GLB1: variants seen among roughly 807,000 people sequenced by gnomAD.
GLB1 encodes the protein galactosidase beta 1, also known as beta-galactosidase.
Under a neutral mutation model 74.0 loss-of-function variants are expected in GLB1, and 56 were observed. That is an observed-to-expected ratio of 0.76 (90% CI 0.61 to 0.94). GLB1 has a LOEUF of 0.94. Among genes scored for constraint, GLB1 ranks in the 40% least tolerant of loss-of-function variants. GLB1 has a pLI of 0.00. For missense variants in GLB1, 787 were observed against 845.5 expected, an observed-to-expected ratio of 0.93 and a Z score of 0.86; for synonymous variants, 323 against 323.6, an observed-to-expected ratio of 1.00 and a Z score of 0.02.
intron 1 of GLB1, among the ~76,000 whole-genome samples, chr3:33,087,738 G>A (rs545416103): frequency 3.3e-5 from 5 of 152,064 alleles, no homozygotes; most frequent in Admixed American, 2.0e-4. Context: ...TGAAGAGGAG[G>A]AACATTTCTA....
chr3:33,034,670 T>C (rs1271261497), intron 10 of GLB1: 54 of 732,198 alleles, frequency 7.4e-5, no homozygotes, highest in Non-Finnish European at 1.3e-4. Context: ...AGCCAACATA[T>C]TGGCCATCTC....
At chr3:32,976,639 C>CT in the GLB1 span, among the ~76,000 whole-genome samples, 24 of 152,332 alleles carry the variant, frequency 1.6e-4, no homozygotes, top group South Asian at 5.0e-3. Flanking sequence ...AACTCTTCTG[C>CT]TTCCTTTCTG....
intron 15 of GLB1, among the ~76,000 whole-genome samples, chr3:33,005,543 A>G (rs146996954): frequency 6.4e-4 from 97 of 152,244 alleles, no homozygotes; most frequent in African/African-American, 2.3e-3. Context: ...AAAGTTTTAC[A>G]TACTCTTTTC....
chr3:33,030,168 A>G (rs1190884600), intron 10 of GLB1: 1 of 152,320 alleles, frequency 6.6e-6, no homozygotes, highest in East Asian at 1.9e-4. Context: ...AATTGTATAT[A>G]GCTCCAACTT....
chr3:33,056,622 G>C (rs530344948), intron 6 of GLB1, among the ~76,000 whole-genome samples: 1 of 152,078 alleles, frequency 6.6e-6, no homozygotes, highest in East Asian at 1.9e-4. Context: ...ACAGAATGTT[G>C]TAAGAATAGT....
intron 6 of GLB1, 116 bp from the exon 7 acceptor site, chr3:33,053,665 T>TC: frequency 7.6e-7 from 1 of 1,324,352 alleles, no homozygotes; most frequent in Non-Finnish European, 1.0e-6. Context: ...AATGTTAGTA[T>TC]CCCCCCAAAA....
the GLB1 span, among the ~76,000 whole-genome samples, chr3:32,981,518 AACCCCAG>A: frequency 6.6e-6 from 1 of 151,998 alleles, no homozygotes; most frequent in Non-Finnish European, 1.5e-5. Flanking sequence ...TCACATCTGT[AACCCCAG>A]CACTTTGGGA....
At chr3:33,069,262 G>A (rs1196152085) in intron 2 of GLB1, among the ~76,000 whole-genome samples, 1 of 152,134 alleles carries the variant, frequency 6.6e-6, no homozygotes, top group Non-Finnish European at 1.5e-5. Flanking sequence ...GTGTATGCCT[G>A]TGGTCCCAGT....
chr3:33,065,631 T>C (rs773465206), intron 4 of GLB1, 74 bp from the exon 5 acceptor site: 3 of 1,505,064 alleles, frequency 2.0e-6, no homozygotes, highest in African/African-American at 1.4e-5. Context: ...CAGGATGGCT[T>C]TGAATGTGGC....
chr3:33,079,783 G>T (rs1700258957), intron 1 of GLB1, among the ~76,000 whole-genome samples: 6 of 152,126 alleles, frequency 3.9e-5, no homozygotes, highest in Admixed American at 3.9e-4. Context: ...AGAGGAGAGA[G>T]TTTTTTGTTT....
chr3:33,058,752 T>C (rs1016541779), intron 5 of GLB1, among the ~76,000 whole-genome samples: 2 of 152,160 alleles, frequency 1.3e-5, no homozygotes, highest in Non-Finnish European at 2.9e-5. Context: ...TACAGCAGTG[T>C]TTTCTTCCCT....
rs1240673584 is a variant in GLB1, at chr3:33,097,019, C to G, written c.67G>C (p.Gly23Arg). 1.2e-6 allele frequency: 2 copies of G among 1,612,232 alleles called. No individual in the cohort carries two copies. Among genetic ancestry groups the G allele is most frequent in the Non-Finnish European group, 8.5e-7 (1 of 1,178,962 alleles). The change falls in exon 1 of 16, where the codon GGC becomes CGC. Residue 23 changes from glycine to arginine, a missense_variant. Physicochemically the swap from Gly to Arg is moderately radical, Grantham distance 125. Transcript: ENST00000307363. ...GGGTCCCGCAGACTTACGCGCAAGC[C>G]GCGCGTAGGGCCCAGAAGCAGCAGA... Reference protein sequence around the residue: ...LVLLLLGPTRGLRNATQRMFE... With the variant: ...LVLLLLGPTRRLRNATQRMFE...
chr3:33,033,341 T>C (rs1191893863), intron 10 of GLB1, among the ~76,000 whole-genome samples: 1 of 152,148 alleles, frequency 6.6e-6, no homozygotes, highest in East Asian at 1.9e-4. Context: ...ATATTATCAG[T>C]AATAAAATGT....
chr3:33,067,012 T>TTC (rs1699712180), intron 4 of GLB1, among the ~76,000 whole-genome samples: 1 of 150,260 alleles, frequency 6.7e-6, no homozygotes. Flanking sequence ...CTTTTTTTTT[T>TTC]TTTTTTTGAG....
intron 15 of GLB1, among the ~76,000 whole-genome samples, chr3:33,009,852 G>A (rs1238109137): frequency 6.6e-6 from 1 of 152,146 alleles, no homozygotes; most frequent in East Asian, 1.9e-4. Flanking sequence ...CATATAAATG[G>A]AGTCATACAA....
chr3:33,005,035 G>T (rs1696729698), intron 15 of GLB1, among the ~76,000 whole-genome samples: 2 of 152,276 alleles, frequency 1.3e-5, no homozygotes, highest in East Asian at 3.9e-4. Context: ...GCAAAGAGAG[G>T]GAAGAAAACC....
rs114919941 is a variant in GLB1 at position 33,085,506 on chromosome 3, A to C, written c.75+11505T>G. On this transcript the variant is annotated intron_variant, in intron 1 of 15. Transcript: ENST00000307363. ...TTATGATTTTTTTTCTCTCTAAAAAAGTATTGCATTTCCTAGCAATACCCA... is the reference window on the plus strand; with the variant it reads ...TTATGATTTTTTTTCTCTCTAAAAACGTATTGCATTTCCTAGCAATACCCA... Among the ~76,000 whole-genome samples, 248 of 152,222 alleles carry C rather than the reference A, an allele frequency of 1.6e-3. 1 individual carries two copies. Among genetic ancestry groups the C allele is most frequent in the Middle Eastern group, 6.8e-3 (2 of 294 alleles).
chr3:32,969,594 C>A, the GLB1 span, among the ~76,000 whole-genome samples: 1 of 152,150 alleles, frequency 6.6e-6, no homozygotes, highest in Admixed American at 6.5e-5. Context: ...CCTGGAGATT[C>A]CCCTCCCGGA....
intron 12 of GLB1, among the ~76,000 whole-genome samples, chr3:33,021,037 A>T (rs1254905296): frequency 3.3e-5 from 5 of 151,792 alleles, no homozygotes; most frequent in Admixed American, 2.6e-4. Flanking sequence ...GAAAAACTTT[A>T]AAAAAATAAA....
Sources: gnomAD v4.1 joint callset for allele counts (sites outside exome capture counted in the v4.1 genomes callset) on GRCh38, gnomAD v4.1.1 for gene constraint, MANE v1.5 for transcripts, NCBI Gene and HGNC (gene_info 2026-07-23, HGNC 2026-07-21) for gene names.